Variants in RPGR observed in about 807,000 individuals in gnomAD.
RPGR encodes the protein retinitis pigmentosa GTPase regulator.
A neutral mutation model predicts 56.3 loss-of-function variants in RPGR; 10 were observed. The observed-to-expected ratio is 0.18, with a 90% CI of 0.11 to 0.30. The LOEUF is 0.30. Ranked by LOEUF, RPGR falls within the 10% of genes least tolerant of loss-of-function variation. RPGR has a pLI of 1.00. For synonymous variants in RPGR, 197 were observed against 212.9 expected (o/e 0.93, Z 0.65); for missense variants, 538 against 590.9 (o/e 0.91, Z 0.93).
chrX:38,285,514 C>A, intron 15 of RPGR: 1 of 1,210,042 alleles, frequency 8.3e-7, no homozygotes, highest in Non-Finnish European at 1.1e-6. Flanking sequence ...TCTGACTGGC[C>A]ATAATCGGGT....
At chrX:38,270,477 GC>G (rs2066822810) in intron 18 of RPGR, among the ~76,000 whole-genome samples, 1 of 57,725 alleles carries the variant, frequency 1.7e-5, no homozygotes, top group African/African-American at 7.3e-5. Flanking sequence ...AAAAAAATTA[GC>G]CGGGCGTGGT....
At chrX:38,291,856 T>C (rs928610861) in intron 11 of RPGR, among the ~76,000 whole-genome samples, 2 of 112,363 alleles carry the variant, frequency 1.8e-5, no homozygotes, top group African/African-American at 6.5e-5. Context: ...TTGCCCATTA[T>C]ACCAGGTTGG....
intron 14 of RPGR, chrX:38,287,576 T>C (rs1417906960): frequency 4.0e-6 from 2 of 504,225 alleles, no homozygotes; most frequent in East Asian, 3.8e-5. Context: ...TCAGTATTCA[T>C]ACCTCTATCT....
At chrX:38,275,916 G>A (rs949426047) in intron 16 of RPGR, among the ~76,000 whole-genome samples, 1 of 111,601 alleles carries the variant, frequency 9.0e-6, no homozygotes, top group African/African-American at 3.3e-5. Flanking sequence ...TTTGGGTTGC[G>A]GAATTCCATA....
chrX:38,306,824 A>G (rs2147253260), intron 7 of RPGR, among the ~76,000 whole-genome samples: 1 of 112,458 alleles, frequency 8.9e-6, no homozygotes, highest in East Asian at 2.8e-4. Context: ...GTAGGTTCCC[A>G]TTCAGGTGCT....
chrX:38,281,404 TG>T (rs1002734995), intron 15 of RPGR, among the ~76,000 whole-genome samples: 2 of 112,697 alleles, frequency 1.8e-5, no homozygotes, highest in African/African-American at 6.4e-5. Flanking sequence ...GACTAATGTA[TG>T]GTGTGTAATA....
In RPGR at chrX:38,290,944, A is replaced by G; in HGVS notation, c.1572+15T>C. 1 of 928,833 alleles carries G rather than the reference A, an allele frequency of 1.1e-6. No homozygotes were observed. The highest frequency in any genetic ancestry group is 1.5e-6 in the Non-Finnish European group (1 of 660,413). 76.5% of individuals were successfully genotyped at this position (928,833 alleles called of 1,213,427 possible). A position where few individuals can be genotyped will look rare whatever the true frequency, so the allele number is the denominator to read the frequency against. The stretch of plus-strand genomic sequence containing the variant: ...CTCTCACCAACAATAACGAAAATAA[A>G]TCTTCATATTATACCTTTTGTTTCT... On this transcript the variant is annotated intron_variant, in intron 13 of 18. Transcript: ENST00000642395.
In RPGR at chrX:38,304,128, C is replaced by A. The variant is rs2067552297; in HGVS notation, c.934+507G>T. ...ACCACAGAGTGGAAGAAGGTATCCA[C>A]TTAGTGGTCTCTGAGGGTCCCTTCT... On this transcript the variant is annotated intron_variant, in intron 8 of 18. Coordinates refer to ENST00000642395, the MANE Select transcript of RPGR (RefSeq NM_000328.3). Among the ~76,000 whole-genome samples the A allele has an allele frequency of 1.8e-5, 2 of 111,422 alleles. 1 individual carries two copies. The highest frequency in any genetic ancestry group is 1.9e-4 in the Admixed American group (2 of 10,453).
Position 38,304,499 on chromosome X carries a change from T to C in RPGR, c.934+136A>G, listed in dbSNP as rs184714519. 1,616 of 491,565 alleles carry C rather than the reference T, an allele frequency of 3.3e-3. 11 individuals are homozygous for C. Among genetic ancestry groups the C allele is most frequent in the African/African-American group, 0.025 (1,022 of 41,365 alleles). The allele number at this position is 491,565 out of a possible 1,213,427, so 40.5% of individuals were successfully genotyped here. On this transcript the variant is annotated intron_variant, in intron 8 of 18. Transcript: ENST00000642395. ...AAGTTCACAACTTTATACTTTGGAA[T>C]AGTAAACATGGAATTCCATTTTTCT...
At position 38,317,463 on chromosome X, in the gene RPGR, C is replaced by T. The variant is rs1320125120; in HGVS notation, c.472G>A (p.Asp158Asn). 8.3e-7 allele frequency: 1 copy of T among 1,207,431 alleles called. No individual in the cohort carries two copies. Among genetic ancestry groups the T allele is most frequent in the Admixed American group, 2.2e-5 (1 of 45,847 alleles). ...TCACCCCACATAAAAAGTCTTCCATCCTCTATAAAGAAAAATAAAAGGGGG... is the reference window on the plus strand; with the variant it reads ...TCACCCCACATAAAAAGTCTTCCATTCTCTATAAAGAAAAATAAAAGGGGG... The change falls in exon 6 of 19, where the codon GAT (aspartate) becomes AAT (asparagine). Residue 158 changes from aspartate to asparagine, a missense_variant and splice_region_variant. Transcript: ENST00000642395.
intron 17 of RPGR, chrX:38,273,634 A>T (rs1281114442): frequency 2.0e-5 from 8 of 395,226 alleles, no homozygotes; most frequent in Non-Finnish European, 3.0e-5. Flanking sequence ...ATATTTCCTG[A>T]AAAGTTGAGT....
At chrX:38,283,623 G>C (rs1040951904) in intron 15 of RPGR, among the ~76,000 whole-genome samples, 4 of 112,051 alleles carry the variant, frequency 3.6e-5, no homozygotes, top group African/African-American at 1.3e-4. Flanking sequence ...CACTTCTAAA[G>C]AGCACAAAAT....
intron 7 of RPGR, chrX:38,308,252 A>T (rs2067643042): frequency 8.9e-6 from 1 of 111,947 alleles, no homozygotes; most frequent in African/African-American, 3.2e-5. Context: ...CTCATAATTT[A>T]AAAAACTTTA....
At chrX:38,289,572 T>C (rs965085950) in intron 13 of RPGR, among the ~76,000 whole-genome samples, 4 of 112,347 alleles carry the variant, frequency 3.6e-5, no homozygotes, top group African/African-American at 1.3e-4. Context: ...TAAATTGTGA[T>C]GAGTTAGGCC....
At chrX:38,305,176 G>A (rs1191290319) in intron 7 of RPGR, among the ~76,000 whole-genome samples, 1 of 111,623 alleles carries the variant, frequency 9.0e-6, no homozygotes, top group Non-Finnish European at 1.9e-5. Context: ...AGCACTTTGG[G>A]AGGACGAGGC....
chrX:38,283,853 A>G lies in RPGR; in HGVS notation c.1905+3241T>C, dbSNP rs189169257. Among the ~76,000 whole-genome samples the G allele has an allele frequency of 7.2e-5, 8 of 111,812 alleles. No individual in the cohort carries two copies. In the East Asian group the frequency reaches 1.4e-3, roughly 20 times the overall value. On this transcript the variant is annotated intron_variant, in intron 15 of 18. Coordinates refer to ENST00000642395, the MANE Select transcript of RPGR (RefSeq NM_000328.3). Reference sequence around the variant, plus strand: ...TTTCTTTATGAATTCTGTGTCATCCATCTTAATTATTTTAAATCTACTTTT... The same window carrying G: ...TTTCTTTATGAATTCTGTGTCATCCGTCTTAATTATTTTAAATCTACTTTT...
intron 9 of RPGR, among the ~76,000 whole-genome samples, chrX:38,300,803 G>A (rs1452572390): frequency 2.7e-5 from 3 of 112,223 alleles, no homozygotes; most frequent in Non-Finnish European, 5.6e-5. Context: ...CCAAAGTGCT[G>A]GGATTACAGG....
At chrX:38,285,835 T>TTTTCTTCTCCTTCCCCCTCCTTTTCCC in intron 15 of RPGR, 2 of 1,208,945 alleles carry the variant, frequency 1.7e-6, no homozygotes, top group African/African-American at 3.5e-5. Flanking sequence ...GTTCCTCCTG[T>TTTTCTTCTCCTTCCCCCTCCTTTTCCC]TTTCTTCTCC....
chrX:38,283,843 T>G (rs933774640), intron 15 of RPGR, among the ~76,000 whole-genome samples: 10 of 112,119 alleles, frequency 8.9e-5, no homozygotes, highest in Admixed American at 4.7e-4. Context: ...TTATGAATTC[T>G]GTGTCATCCA....
Sources: gnomAD v4.1 joint callset for allele counts (sites outside exome capture counted in the v4.1 genomes callset) on GRCh38, gnomAD v4.1.1 for gene constraint, MANE v1.5 for transcripts, NCBI Gene and HGNC (gene_info 2026-07-23, HGNC 2026-07-21) for gene names.